The following PMFBP1 variants were observed in gnomAD, a reference collection of about 807,000 sequenced individuals.
PMFBP1 encodes polyamine modulated factor 1 binding protein 1.
PMFBP1 carries 131 observed loss-of-function variants against 137.8 expected under a neutral mutation model. The observed-to-expected ratio is 0.95, with a 90% confidence interval of 0.82 to 1.10. The LOEUF is 1.10. Ranked by LOEUF, PMFBP1 falls within the 50% of genes least tolerant of loss-of-function variation. PMFBP1 has a pLI of 0.00. For synonymous variants in PMFBP1, 490 were observed against 450.4 expected, an observed-to-expected ratio of 1.09 and a Z score of -1.11; for missense variants, 1,199 against 1,175.4, an observed-to-expected ratio of 1.02 and a Z score of -0.29.
the PMFBP1 span, among the ~76,000 whole-genome samples, chr16:72,201,766 T>A: frequency 1.3e-5 from 2 of 152,198 alleles, no homozygotes; most frequent in African/African-American, 2.4e-5. Flanking sequence ...CCTTTCTTTA[T>A]ATACATTACC....
chr16:72,192,020 C>T, the PMFBP1 span, among the ~76,000 whole-genome samples: 8 of 152,318 alleles, frequency 5.3e-5, no homozygotes, highest in East Asian at 1.9e-4. Flanking sequence ...TGATCCCCTG[C>T]GAGCTGAAAC....
chr16:72,136,602 A>G lies in PMFBP1; in HGVS notation c.1049T>C (p.Met350Thr). ...SEQKRNIMKDMMKLELDLHGL... is the reference protein window; with the variant it reads ...SEQKRNIMKDTMKLELDLHGL... Reference sequence around the variant, plus strand: ...GTGCAGGTCCAGCTCCAGCTTCATCATGTCTACCATGGGGCGGGACAGAGT... The same window carrying G: ...GTGCAGGTCCAGCTCCAGCTTCATCGTGTCTACCATGGGGCGGGACAGAGT... The change falls in exon 9 of 21, where the codon ATG becomes ACG. Residue 350 changes from methionine (M) to threonine (T), a missense_variant. Coordinates refer to ENST00000237353, the MANE Select transcript of PMFBP1 (RefSeq NM_031293.3). 1 of 1,613,924 alleles carries G rather than the reference A, an allele frequency of 6.2e-7. No homozygotes were observed. The highest frequency in any genetic ancestry group is 8.5e-7 in the Non-Finnish European group (1 of 1,179,994).
chr16:72,131,326 G>A (rs1409577343), intron 10 of PMFBP1, among the ~76,000 whole-genome samples: 1 of 152,202 alleles, frequency 6.6e-6, no homozygotes, highest in Non-Finnish European at 1.5e-5. Context: ...GTGGATGGAT[G>A]AGTGGGGCTT....
chr16:72,120,616 C>T (rs1275361525), intron 19 of PMFBP1, among the ~76,000 whole-genome samples: 1 of 152,202 alleles, frequency 6.6e-6, no homozygotes, highest in Admixed American at 6.5e-5. Flanking sequence ...TACTCATCCC[C>T]ATTTTACAGA....
chr16:72,220,160 T>G, the PMFBP1 span, among the ~76,000 whole-genome samples: 2 of 152,236 alleles, frequency 1.3e-5, no homozygotes, highest in African/African-American at 4.8e-5. Flanking sequence ...AATTATACTC[T>G]TTAAATCAAA....
chr16:72,180,661 A>T (rs1452439941), upstream of PMFBP1, among the ~76,000 whole-genome samples: 1 of 151,956 alleles, frequency 6.6e-6, no homozygotes, highest in Non-Finnish European at 1.5e-5. Context: ...AAAGCACTAG[A>T]TCAATAGTAA....
At chr16:72,236,952 C>G in the PMFBP1 span, among the ~76,000 whole-genome samples, 1 of 152,252 alleles carries the variant, frequency 6.6e-6, no homozygotes, top group Admixed American at 6.5e-5. Flanking sequence ...ATGCAAAATA[C>G]TTTCATCACT....
At position 72,154,194 on chromosome 16, in the gene PMFBP1, G is replaced by A. The variant is rs1374927692; in HGVS notation, c.414+17C>T. On this transcript the variant is annotated intron_variant, in intron 4 of 20. Coordinates refer to ENST00000237353, the MANE Select transcript of PMFBP1 (RefSeq NM_031293.3). Reference sequence around the variant, plus strand: ...ACCTAAGAATGTGGGTTATTTCCATGGTTAATCTGTCTATACCTCATCTTC... The same window carrying A: ...ACCTAAGAATGTGGGTTATTTCCATAGTTAATCTGTCTATACCTCATCTTC... 25 of 1,609,892 alleles carry A rather than the reference G, an allele frequency of 1.6e-5. No individual in the cohort carries two copies. The highest frequency in any genetic ancestry group is 1.9e-5 in the Non-Finnish European group (22 of 1,177,092).
chr16:72,195,193 G>A, the PMFBP1 span, among the ~76,000 whole-genome samples: 1 of 152,154 alleles, frequency 6.6e-6, no homozygotes, highest in African/African-American at 2.4e-5. Flanking sequence ...CAGGGCCCAC[G>A]TTTTCTGGCC....
At chr16:72,181,983 AT>A in the PMFBP1 span, among the ~76,000 whole-genome samples, 2 of 152,256 alleles carry the variant, frequency 1.3e-5, no homozygotes, top group Non-Finnish European at 2.9e-5. Flanking sequence ...AAAATAAAAA[AT>A]AAATCACCTA....
rs140855302 is a variant in PMFBP1, at chr16:72,120,073, T to C, written c.2785A>G (p.Met929Val). ...TTGTTTTCCTGCTGCAAGTGGACCA[T>C]TACACTGTGGAGGTGGCTGTGGGAA... ...SGEKDHLHSV[M>V]VHLQQENKKL... Residue 929 changes from methionine (M) to valine (V), a missense_variant, in exon 20 of 21, where the codon ATG (methionine) becomes GTG (valine). By Grantham distance (21) the Met-to-Val change is conservative. Transcript: ENST00000237353. 345 of 1,614,102 alleles carry C rather than the reference T, an allele frequency of 2.1e-4. 1 individual carries two copies. Among genetic ancestry groups the C allele is most frequent in the Admixed American group, 1.2e-4 (7 of 60,012 alleles).
Position 72,171,239 on chromosome 16 carries a change from C to T in PMFBP1, c.-31G>A, listed in dbSNP as rs556774367. ...TGGCAGCTCTCAATTCTCCTTTAACCTTTAGTATTTTCTGAGCTTTGTTAT... is the reference window on the plus strand; with the variant it reads ...TGGCAGCTCTCAATTCTCCTTTAACTTTTAGTATTTTCTGAGCTTTGTTAT... On this transcript the variant is annotated 5_prime_UTR_variant, in exon 2 of 21. Coordinates refer to ENST00000237353, the MANE Select transcript of PMFBP1 (RefSeq NM_031293.3). The T allele has an allele frequency of 2.5e-6, 4 of 1,612,958 alleles. No homozygotes were observed. The highest frequency in any genetic ancestry group is 3.3e-5 in the Admixed American group (2 of 59,960).
upstream of PMFBP1, among the ~76,000 whole-genome samples, chr16:72,174,443 G>A (rs933603184): frequency 6.6e-6 from 1 of 152,194 alleles, no homozygotes; most frequent in African/African-American, 2.4e-5. Flanking sequence ...TGAGGTCCCA[G>A]TTTGGATCCT....
chr16:72,240,841 T>A, the PMFBP1 span, among the ~76,000 whole-genome samples: 1 of 152,180 alleles, frequency 6.6e-6, no homozygotes, highest in African/African-American at 2.4e-5. Context: ...TATATGTAAA[T>A]ATGACAGTAG....
intron 9 of PMFBP1, among the ~76,000 whole-genome samples, chr16:72,133,765 G>A (rs1276103878): frequency 6.6e-6 from 1 of 152,156 alleles, no homozygotes; most frequent in Non-Finnish European, 1.5e-5. Context: ...GCCAGGGAAA[G>A]GCAGGGTCCT....
the PMFBP1 span, chr16:72,225,251 T>C: frequency 6.6e-6 from 1 of 152,238 alleles, no homozygotes; most frequent in Non-Finnish European, 1.5e-5. Context: ...AGAAACCATG[T>C]GCTCTCCCCA....
chr16:72,117,779 G>A (rs1187186898), downstream of PMFBP1, among the ~76,000 whole-genome samples: 4 of 152,054 alleles, frequency 2.6e-5, no homozygotes, highest in Non-Finnish European at 4.4e-5. Flanking sequence ...TACTTTTTAG[G>A]AGCTCAATTC....
At chr16:72,246,421 T>C in the PMFBP1 span, among the ~76,000 whole-genome samples, 1 of 152,098 alleles carries the variant, frequency 6.6e-6, no homozygotes, top group African/African-American at 2.4e-5. Flanking sequence ...AAGCGCCATA[T>C]GACAAATTCC....
the PMFBP1 span, among the ~76,000 whole-genome samples, chr16:72,248,081 C>T: frequency 2.0e-5 from 3 of 152,104 alleles, no homozygotes; most frequent in Non-Finnish European, 4.4e-5. Flanking sequence ...AACTTCAAGG[C>T]CAAGTCGGCT....
Sources: gnomAD v4.1 joint callset for allele counts (sites outside exome capture counted in the v4.1 genomes callset) on GRCh38, gnomAD v4.1.1 for gene constraint, MANE v1.5 for transcripts, NCBI Gene and HGNC (gene_info 2026-07-23, HGNC 2026-07-21) for gene names.